NRCAM: variants seen among roughly 807,000 people sequenced by gnomAD.
NRCAM encodes neuronal cell adhesion molecule, also known as NgCAM-related cell adhesion molecule.
A neutral mutation model predicts 156.5 loss-of-function variants in NRCAM; 83 were observed. The ratio of observed to expected loss-of-function variants is 0.53; its 90% confidence interval spans 0.44 to 0.64. The LOEUF (loss-of-function observed/expected upper bound fraction) is 0.64. Ranked by LOEUF, NRCAM falls within the 30% of genes least tolerant of loss-of-function variation. The probability of loss-of-function intolerance (pLI) is 0.00; values close to 1 mark genes in which losing one functional copy is unlikely to be tolerated. For missense variants in NRCAM, 1,417 were observed against 1,597.3 expected (o/e 0.89, Z 1.92); for synonymous variants, 538 against 563.9 (o/e 0.95, Z 0.65).
intron 2 of NRCAM, among the ~76,000 whole-genome samples, chr7:108,342,331 AC>A (rs1348211167): frequency 1.3e-5 from 2 of 152,240 alleles, no homozygotes; most frequent in Non-Finnish European, 2.9e-5. Flanking sequence ...ATCCAAAGGC[AC>A]CAGGGCCCTC....
chr7:108,238,911 C>A (rs892620556), intron 4 of NRCAM, among the ~76,000 whole-genome samples: 1 of 151,668 alleles, frequency 6.6e-6, no homozygotes, highest in Non-Finnish European at 1.5e-5. Flanking sequence ...GCAGTTGCAA[C>A]CTCTATGGTA....
At chr7:108,328,553 T>C (rs894338624) in intron 2 of NRCAM, 4 of 152,202 alleles carry the variant, frequency 2.6e-5, no homozygotes, top group African/African-American at 9.7e-5. Flanking sequence ...GGCTGGCCCA[T>C]GTGCAGTAAA....
chr7:108,402,117 C>G (rs554606925), intron 1 of NRCAM, among the ~76,000 whole-genome samples: 1 of 152,302 alleles, frequency 6.6e-6, no homozygotes, highest in East Asian at 1.9e-4. Flanking sequence ...ATAACTCAGT[C>G]CATCATGATA....
At chr7:108,388,528 T>A (rs2099748913) in intron 2 of NRCAM, among the ~76,000 whole-genome samples, 1 of 152,328 alleles carries the variant, frequency 6.6e-6, no homozygotes, top group South Asian at 2.1e-4. Context: ...ACTCTGATGG[T>A]AGTTTCTTTT....
At chr7:108,225,558 A>G in intron 10 of NRCAM, 87 bp downstream of exon 10, 1 of 820,696 alleles carries the variant, frequency 1.2e-6, no homozygotes, top group Non-Finnish European at 2.2e-6. Context: ...TCATAAAGAA[A>G]TAAGGTTAAA....
chr7:108,184,739 G>GA, intron 20 of NRCAM, 125 bp from the exon 21 acceptor site: 1 of 676,190 alleles, frequency 1.5e-6, no homozygotes, highest in Non-Finnish European at 2.4e-6. Context: ...TTACTTTCAA[G>GA]AAAAATGCCA....
chr7:108,235,072 C>A (rs939289464), intron 5 of NRCAM, among the ~76,000 whole-genome samples: 1 of 152,126 alleles, frequency 6.6e-6, no homozygotes, highest in Non-Finnish European at 1.5e-5. Context: ...AAATTTGCAT[C>A]TTTCTTAAGA....
At chr7:108,356,774 T>G (rs1271157081) in intron 2 of NRCAM, among the ~76,000 whole-genome samples, 1 of 152,142 alleles carries the variant, frequency 6.6e-6, no homozygotes, top group African/African-American at 2.4e-5. Context: ...AGCCTGGAGC[T>G]CCTACAGAGC....
chr7:108,411,935 T>C (rs1394035639), intron 1 of NRCAM, among the ~76,000 whole-genome samples: 1 of 152,232 alleles, frequency 6.6e-6, no homozygotes, highest in Non-Finnish European at 1.5e-5. Flanking sequence ...TGATCCATTT[T>C]CTTTAAGGAA....
At chr7:108,350,481 A>T (rs1434061953) in intron 2 of NRCAM, among the ~76,000 whole-genome samples, 1 of 152,246 alleles carries the variant, frequency 6.6e-6, no homozygotes, top group African/African-American at 2.4e-5. Flanking sequence ...GGCAGTTTGT[A>T]TATAAATATC....
intron 1 of NRCAM, among the ~76,000 whole-genome samples, chr7:108,439,674 A>C (rs1836297908): frequency 6.6e-6 from 1 of 151,946 alleles, no homozygotes; most frequent in African/African-American, 2.4e-5. Context: ...ATCTCTACTA[A>C]AAATACAAAA....
At chr7:108,268,635 T>TGGGGGGGGGGGGGGG (rs1563033340) in intron 3 of NRCAM, among the ~76,000 whole-genome samples, 1 of 37,622 alleles carries the variant, frequency 2.7e-5, no homozygotes, top group African/African-American at 1.4e-4. Context: ...TGGGGGGGGG[T>TGGGGGGGGGGGGGGG]TGGGGGGGGC....
At chr7:108,222,154 C>G (rs1423613826) in intron 11 of NRCAM, among the ~76,000 whole-genome samples, 2 of 152,114 alleles carry the variant, frequency 1.3e-5, no homozygotes, top group East Asian at 1.9e-4. Context: ...TCAGACTAAT[C>G]TGCATCTCAG....
intron 11 of NRCAM, among the ~76,000 whole-genome samples, chr7:108,220,312 A>G (rs553877037): frequency 6.6e-6 from 1 of 152,284 alleles, no homozygotes; most frequent in South Asian, 2.1e-4. Context: ...CCATCAAAAT[A>G]CCACCATTAT....
intron 32 of NRCAM, chr7:108,150,648 A>G (rs778739610): frequency 2.0e-6 from 1 of 508,704 alleles, no homozygotes; most frequent in East Asian, 5.5e-5. Context: ...CTGCATTTCA[A>G]ATAATTTTGT....
intron 2 of NRCAM, among the ~76,000 whole-genome samples, chr7:108,329,596 AG>A (rs2154243381): frequency 6.6e-6 from 1 of 152,326 alleles, no homozygotes; most frequent in African/African-American, 2.4e-5. Context: ...CATTTATTAC[AG>A]TGACTGTTAC....
In NRCAM at chr7:108,243,646, G is replaced by A. The variant is rs571913711; in HGVS notation, c.-106-3476C>T. 2.0e-5 allele frequency among the ~76,000 whole-genome samples: 3 copies of A among 152,274 alleles called. No individual in the cohort carries two copies. The South Asian group carries it at 6.2e-4, about 32-fold the overall frequency. On this transcript the variant is annotated intron_variant, in intron 3 of 32. Coordinates refer to ENST00000379028, the MANE Select transcript of NRCAM (RefSeq NM_001037132.4). ...AGCTTACAATGTACAAAAAATATTT[G>A]CCAGATATTTTAAAGCAGGATTGAA... is the stretch of plus-strand genomic sequence containing the variant.
intron 2 of NRCAM, among the ~76,000 whole-genome samples, chr7:108,383,153 C>A (rs4463353): frequency 9.9e-5 from 15 of 151,484 alleles, no homozygotes; most frequent in Admixed American, 6.6e-4. Flanking sequence ...CACACACACA[C>A]ACCCCTTGGT....
At chr7:108,456,016 C>A (rs577618249) in intron 1 of NRCAM, among the ~76,000 whole-genome samples, 1 of 152,306 alleles carries the variant, frequency 6.6e-6, no homozygotes, top group Non-Finnish European at 1.5e-5. Flanking sequence ...CGCAGGTCCC[C>A]CTGCTCCCTC....
Sources: allele counts gnomAD v4.1 joint callset (sites outside exome capture counted in the v4.1 genomes callset), GRCh38; gene constraint gnomAD v4.1.1; transcripts MANE v1.5; gene names NCBI Gene and HGNC (gene_info 2026-07-23, HGNC 2026-07-21).